Variants in ATXN7L1 observed in about 807,000 individuals in gnomAD.
ATXN7L1 encodes the protein ataxin-7-like protein 1.
A neutral mutation model predicts 70.8 loss-of-function variants in ATXN7L1; 15 were observed. The ratio of observed to expected loss-of-function variants is 0.21; its 90% CI spans 0.14 to 0.33. The LOEUF (loss-of-function observed/expected upper bound fraction) is 0.33. Ranked by LOEUF, ATXN7L1 falls within the 10% of genes least tolerant of loss-of-function variation. The pLI is 1.00. For missense variants in ATXN7L1, 975 were observed against 1,097.1 expected, an observed-to-expected ratio of 0.89 and a Z score of 1.57; for synonymous variants, 440 against 445.1, an observed-to-expected ratio of 0.99 and a Z score of 0.14.
Position 105,665,046 on chromosome 7 carries a change from C to T in ATXN7L1, c.578+20G>A. The T allele has an allele frequency of 6.5e-7, 1 of 1,542,938 alleles. No homozygotes were observed. Among genetic ancestry groups the T allele is most frequent in the Non-Finnish European group, 8.8e-7 (1 of 1,140,638 alleles). On this transcript the variant is annotated intron_variant, in intron 4 of 11. Coordinates refer to ENST00000419735, the MANE Select transcript of ATXN7L1 (RefSeq NM_020725.2). ...AGCAGGGGGGACAGACAGCAGCTGG[C>T]TGCCAGCCAGCTGACTCACCATGGT... is the stretch of plus-strand genomic sequence containing the variant.
intron 4 of ATXN7L1, among the ~76,000 whole-genome samples, chr7:105,653,617 T>C: frequency 6.6e-6 from 1 of 152,204 alleles, no homozygotes; most frequent in Non-Finnish European, 1.5e-5. Flanking sequence ...GCAACCTTTC[T>C]GGCTTGGCCT....
intron 3 of ATXN7L1, among the ~76,000 whole-genome samples, chr7:105,738,657 T>C (rs746395503): frequency 4.5e-4 from 69 of 152,254 alleles, no homozygotes; most frequent in Non-Finnish European, 7.3e-5. Context: ...GTAGTTGAGT[T>C]GGGATTTGAA....
intron 3 of ATXN7L1, among the ~76,000 whole-genome samples, chr7:105,780,196 T>C (rs1181828248): frequency 6.6e-6 from 1 of 152,146 alleles, no homozygotes; most frequent in Non-Finnish European, 1.5e-5. Flanking sequence ...CAGGGAACCT[T>C]GGATCCTCAT....
intron 2 of ATXN7L1, among the ~76,000 whole-genome samples, chr7:105,863,325 T>C (rs1816915262): frequency 6.6e-6 from 1 of 152,220 alleles, no homozygotes; most frequent in Admixed American, 6.5e-5. Flanking sequence ...AGCGTTTCCC[T>C]GATGGGGAGA....
Position 105,624,173 on chromosome 7 carries a change from C to T in ATXN7L1, c.1297G>A (p.Ala433Thr), listed in dbSNP as rs945581416. ...PPLPPVGGDL[A>T]SRLSSDEGEM... ...CCTTCATCACTGGACAGTCGGCTGG[C>T]GAGGTCACCTCCAACCGGTGGGAGT... Residue 433 changes from alanine to threonine, a missense_variant, in exon 8 of 12, where the codon GCC (alanine) becomes ACC (threonine). Around this residue, in one of 5 missense-constraint regions of ATXN7L1, gnomAD observed 635 missense variants for 699.4 expected, o/e 0.91. Coordinates refer to ENST00000419735, the MANE Select transcript of ATXN7L1 (RefSeq NM_020725.2). 17 of 1,531,292 alleles carry T rather than the reference C, an allele frequency of 1.1e-5. No homozygotes were observed. Among genetic ancestry groups the T allele is most frequent in the Admixed American group, 4.1e-5 (2 of 49,142 alleles). The allele number at this position is 1,531,292 out of a possible 1,614,324, so 94.9% of individuals were successfully genotyped here.
chr7:105,872,214 G>A (rs1007465095), intron 2 of ATXN7L1, among the ~76,000 whole-genome samples: 7 of 152,188 alleles, frequency 4.6e-5, no homozygotes, highest in Admixed American at 2.0e-4. Flanking sequence ...GGATGGTCTC[G>A]ATCTCCTGAC....
At chr7:105,764,045 G>A (rs1800912163) in intron 3 of ATXN7L1, among the ~76,000 whole-genome samples, 1 of 151,942 alleles carries the variant, frequency 6.6e-6, no homozygotes, top group South Asian at 2.1e-4. Context: ...GTAGAGATGG[G>A]GTTTCACCAT....
chr7:105,740,768 C>CTTTTTTTTTTTTTTTTTTTTT (rs1563055385), intron 3 of ATXN7L1, among the ~76,000 whole-genome samples: 2 of 98,244 alleles, frequency 2.0e-5, no homozygotes, highest in African/African-American at 5.5e-5. Flanking sequence ...TGGCTCCATT[C>CTTTTTTTTTTTTTTTTTTTTT]ATTTTTTTTT....
intron 2 of ATXN7L1, among the ~76,000 whole-genome samples, chr7:105,807,814 C>T (rs137866481): frequency 7.5e-4 from 114 of 152,354 alleles, no homozygotes; most frequent in Middle Eastern, 3.4e-3. Context: ...CTTTGACCAT[C>T]CAGCCTGGGC....
intron 8 of ATXN7L1, among the ~76,000 whole-genome samples, chr7:105,623,015 C>T (rs1322959113): frequency 6.6e-6 from 1 of 152,190 alleles, no homozygotes; most frequent in Admixed American, 6.5e-5. Context: ...ATTAAATGAC[C>T]TTAGCGCTTG....
intron 2 of ATXN7L1, among the ~76,000 whole-genome samples, chr7:105,839,065 C>T (rs1812823847): frequency 6.6e-6 from 1 of 152,198 alleles, no homozygotes; most frequent in Admixed American, 6.5e-5. Flanking sequence ...GGGAAGCCAC[C>T]CATGCAAGGC....
At chr7:105,669,857 T>C (rs1333800651) in intron 3 of ATXN7L1, among the ~76,000 whole-genome samples, 5 of 149,260 alleles carry the variant, frequency 3.3e-5, no homozygotes, top group Admixed American at 1.4e-4. Flanking sequence ...AAGTGGAGGT[T>C]GTAGTGAGCC....
chr7:105,710,815 T>C (rs959529390), intron 3 of ATXN7L1, among the ~76,000 whole-genome samples: 6 of 152,142 alleles, frequency 3.9e-5, no homozygotes, highest in East Asian at 1.9e-4. Flanking sequence ...GAACAGTGTA[T>C]TAGTCCATTT....
In ATXN7L1 at chr7:105,667,474, C is replaced by T. The variant is rs977864899; in HGVS notation, c.356-2186G>A. 9.7e-4 allele frequency among the ~76,000 whole-genome samples: 95 copies of T among 98,036 alleles called. 4 individuals are homozygous for T. The highest frequency in any genetic ancestry group is 2.8e-3 in the African/African-American group (92 of 33,198). The allele number at this position is 98,036 out of a possible 152,430, so 64.3% of individuals were successfully genotyped here. ...CAGCACTTTGGGAGGCCGAGGCGGG[C>T]GGATCACGAGGTCAGGAGATCGAGA... is the stretch of plus-strand genomic sequence containing the variant. On this transcript the variant is annotated intron_variant, in intron 3 of 11. Coordinates refer to ENST00000419735, the MANE Select transcript of ATXN7L1 (RefSeq NM_020725.2).
intron 11 of ATXN7L1, among the ~76,000 whole-genome samples, chr7:105,608,119 T>C (rs1204310610): frequency 6.6e-6 from 1 of 152,210 alleles, no homozygotes; most frequent in Non-Finnish European, 1.5e-5. Flanking sequence ...AGGTCCTCAC[T>C]GTGGAGGAAA....
chr7:105,817,738 G>T (rs78639000), intron 2 of ATXN7L1, among the ~76,000 whole-genome samples: 1 of 152,120 alleles, frequency 6.6e-6, no homozygotes, highest in African/African-American at 2.4e-5. Context: ...GCAACACAGC[G>T]AGACCGCTAT....
At chr7:105,704,619 A>G (rs1371564073) in intron 3 of ATXN7L1, among the ~76,000 whole-genome samples, 2 of 109,836 alleles carry the variant, frequency 1.8e-5, no homozygotes, top group Non-Finnish European at 3.4e-5. Flanking sequence ...TTTTAGACAG[A>G]GTCTTGCTCT....
At chr7:105,717,947 T>C (rs1246611805) in intron 3 of ATXN7L1, among the ~76,000 whole-genome samples, 1 of 152,222 alleles carries the variant, frequency 6.6e-6, no homozygotes, top group African/African-American at 2.4e-5. Context: ...ATGGTAAGAA[T>C]ATTAATATTT....
chr7:105,646,770 C>A (rs75062495), intron 4 of ATXN7L1, among the ~76,000 whole-genome samples: 2,878 of 117,528 alleles, frequency 0.024, no homozygotes, highest in Non-Finnish European at 0.029. Flanking sequence ...CATGTCTCTA[C>A]AAAAAAAAAA....
Sources: gnomAD v4.1 joint callset for allele counts (sites outside exome capture counted in the v4.1 genomes callset) on GRCh38, gnomAD v4.1.1 for gene constraint, gnomAD v4.1.1 regional missense constraint, MANE v1.5 for transcripts, NCBI Gene and HGNC (gene_info 2026-07-23, HGNC 2026-07-21) for gene names.